The following NCAM1 variants were observed in gnomAD, a reference collection of about 807,000 sequenced individuals.
NCAM1 encodes the protein antigen recognized by monoclonal antibody 5.1H11.
NCAM1 carries 14 observed loss-of-function variants against 109.8 expected under a neutral mutation model. The observed-to-expected ratio is 0.13, with a 90% CI of 0.08 to 0.20. The LOEUF (loss-of-function observed/expected upper bound fraction) is 0.20, where lower values mean the gene tolerates loss of function less well. Ranked by LOEUF, NCAM1 falls within the 10% of genes least tolerant of loss-of-function variation. The pLI is 1.00. For synonymous variants in NCAM1, 418 were observed against 442.9 expected (o/e 0.94, Z 0.70); for missense variants, 774 against 1,109.9 (o/e 0.70, Z 4.30).
chr11:113,257,747 T>C (rs896069340), intron 16 of NCAM1, among the ~76,000 whole-genome samples: 4 of 152,370 alleles, frequency 2.6e-5, no homozygotes, highest in Middle Eastern at 3.4e-3. Context: ...AAGTATAATA[T>C]AACATTTTCT....
intron 1 of NCAM1, among the ~76,000 whole-genome samples, chr11:112,986,051 A>G (rs960609132): frequency 6.6e-5 from 10 of 152,092 alleles, no homozygotes; most frequent in Non-Finnish European, 1.5e-4. Context: ...GTAGGCTAAC[A>G]TATATGACCT....
Position 113,221,315 on chromosome 11 carries a change from A to G in NCAM1, c.1079A>G (p.Glu360Gly). 6.4e-7 allele frequency: 1 copy of G among 1,567,648 alleles called. No individual in the cohort carries two copies. The highest frequency in any genetic ancestry group is 8.7e-7 in the Non-Finnish European group (1 of 1,154,074). Reference protein sequence around the residue: ...SEEKASWTRPEKQETLDGHMV... With the variant: ...SEEKASWTRPGKQETLDGHMV... ...CTCCAGGCTTCGTGGACTCGACCAG[A>G]GAAGCAAGAGGTATAGCTTACCTGA... Residue 360 changes from glutamate (E) to glycine (G), a missense_variant, in exon 9 of 20, where the codon GAG becomes GGG. Coordinates refer to ENST00000316851, the MANE Select transcript of NCAM1 (RefSeq NM_181351.5).
At chr11:112,973,735 C>G (rs938374888) in intron 1 of NCAM1, among the ~76,000 whole-genome samples, 3 of 152,082 alleles carry the variant, frequency 2.0e-5, no homozygotes, top group Non-Finnish European at 4.4e-5. Flanking sequence ...TTTCTTTCTG[C>G]TAAAGTTCAC....
At position 113,231,466 on chromosome 11, in the gene NCAM1, C is replaced by G. The variant is rs148787950; in HGVS notation, c.1090-179C>G. ...CAGGTTCTCATGCTGCTTCCCAGTG[C>G]CTCCCCCATTAGATGGTACCTAAAG... On this transcript the variant is annotated intron_variant, in intron 9 of 19. Transcript: ENST00000316851. The G allele has an allele frequency of 5.1e-3, 4,367 of 864,230 alleles. 54 individuals carry two copies. The highest frequency in any genetic ancestry group is 0.039 in the African/African-American group (2,300 of 59,362). The allele number at this position is 864,230 out of a possible 1,614,324, so 53.5% of individuals were successfully genotyped here. A position where few individuals can be genotyped will look rare whatever the true frequency, so the allele number is the denominator to read the frequency against.
intron 18 of NCAM1, chr11:113,270,601 AG>A (rs1946245655): frequency 3.4e-6 from 2 of 585,510 alleles, no homozygotes; most frequent in Admixed American, 6.0e-5. Context: ...TAGACTCTTG[AG>A]CCCAATCCCA....
At chr11:113,129,235 G>A (rs1353808386) in intron 1 of NCAM1, among the ~76,000 whole-genome samples, 5 of 151,946 alleles carry the variant, frequency 3.3e-5, no homozygotes, top group Admixed American at 1.3e-4. Context: ...GGACCCTTTG[G>A]GTCTGACAAA....
chr11:113,160,922 G>A (rs1942580387), intron 1 of NCAM1, among the ~76,000 whole-genome samples: 1 of 152,108 alleles, frequency 6.6e-6, no homozygotes, highest in Non-Finnish European at 1.5e-5. Flanking sequence ...GTTCCTCTAG[G>A]GCTTTTTCGA....
chr11:113,186,624 G>T (rs1304860993), intron 1 of NCAM1, among the ~76,000 whole-genome samples: 1 of 152,326 alleles, frequency 6.6e-6, no homozygotes, highest in East Asian at 1.9e-4. Context: ...ATCAGGAGAT[G>T]GCCCCGCATC....
intron 1 of NCAM1, among the ~76,000 whole-genome samples, chr11:113,111,509 G>A (rs1408561056): frequency 6.6e-6 from 1 of 150,382 alleles, no homozygotes; most frequent in Non-Finnish European, 1.5e-5. Flanking sequence ...AGGACCTGGG[G>A]TGGGAGGTCT....
chr11:113,097,100 G>A (rs17114821), intron 1 of NCAM1, among the ~76,000 whole-genome samples: 13,135 of 152,096 alleles, frequency 0.086, 743 homozygotes, highest in East Asian at 0.12. Context: ...ATTTTATGTG[G>A]GACCAAACTG....
chr11:112,991,401 A>G (rs1273862723), intron 1 of NCAM1, among the ~76,000 whole-genome samples: 1 of 152,208 alleles, frequency 6.6e-6, no homozygotes, highest in African/African-American at 2.4e-5. Context: ...ATAGGCTATT[A>G]TAGTTCATCT....
chr11:113,032,625 C>T (rs1398798601), intron 1 of NCAM1, among the ~76,000 whole-genome samples: 3 of 152,186 alleles, frequency 2.0e-5, no homozygotes, highest in Non-Finnish European at 2.9e-5. Flanking sequence ...AGCATCGTGG[C>T]GTTTTCTTCC....
intron 1 of NCAM1, among the ~76,000 whole-genome samples, chr11:113,118,890 A>G (rs1940825770): frequency 6.6e-6 from 1 of 152,100 alleles, no homozygotes; most frequent in Non-Finnish European, 1.5e-5. Context: ...TTCAAATACC[A>G]AAATCAAATG....
At chr11:113,167,860 A>G (rs1942857071) in intron 1 of NCAM1, among the ~76,000 whole-genome samples, 1 of 152,194 alleles carries the variant, frequency 6.6e-6, no homozygotes, top group Non-Finnish European at 1.5e-5. Context: ...AGCAAGCGAG[A>G]TGGCGGTTGG....
intron 14 of NCAM1, among the ~76,000 whole-genome samples, chr11:113,245,434 C>T (rs926653007): frequency 3.9e-5 from 6 of 152,124 alleles, no homozygotes; most frequent in African/African-American, 1.2e-4. Flanking sequence ...GAAACGAGAC[C>T]GTTTCAAAAC....
intron 1 of NCAM1, among the ~76,000 whole-genome samples, chr11:113,074,980 T>C (rs545672362): frequency 6.6e-6 from 1 of 152,322 alleles, no homozygotes; most frequent in South Asian, 2.1e-4. Context: ...AACAGCTTCA[T>C]GTGGCTCATG....
intron 1 of NCAM1, among the ~76,000 whole-genome samples, chr11:113,087,792 A>G (rs540914915): frequency 6.6e-6 from 1 of 152,360 alleles, no homozygotes; most frequent in African/African-American, 2.4e-5. Context: ...TGGCCTTTTC[A>G]GAGAAAGCAG....
rs782190874 is a variant in NCAM1 at position 113,207,262 on chromosome 11, G to A, written c.630G>A (p.Val210=). Residue 210 remains valine, a splice_region_variant and synonymous_variant, in exon 6 of 20, where the codon GTG becomes GTA. Transcript: ENST00000316851. Reference sequence around the variant, plus strand: ...CCATGACACCCTTTTTTCCTTCAGTGCCACCTACCATCCAGGCCAGGCAGA... The same window carrying A: ...CCATGACACCCTTTTTTCCTTCAGTACCACCTACCATCCAGGCCAGGCAGA... ...NFKDIQVIVN[V]PPTIQARQNI... 6.2e-7 allele frequency: 1 copy of A among 1,612,360 alleles called. No individual in the cohort carries two copies. The highest frequency in any genetic ancestry group is 2.2e-5 in the East Asian group (1 of 44,856).
chr11:113,242,216 T>A (rs1945348295), intron 14 of NCAM1, among the ~76,000 whole-genome samples: 1 of 152,254 alleles, frequency 6.6e-6, no homozygotes, highest in South Asian at 2.1e-4. Flanking sequence ...GCAGCTGGAA[T>A]TAATAGTAAG....
Sources: gnomAD v4.1 joint callset for allele counts (sites outside exome capture counted in the v4.1 genomes callset) on GRCh38, gnomAD v4.1.1 for gene constraint, MANE v1.5 for transcripts, NCBI Gene and HGNC (gene_info 2026-07-23, HGNC 2026-07-21) for gene names.